Variants in ONECUT3 observed in about 807,000 individuals in gnomAD.
The protein encoded by ONECUT3 is one cut domain family member 3.
Under a neutral mutation model 16.8 loss-of-function variants are expected in ONECUT3, and 11 were observed. The observed-to-expected ratio is 0.66, with a 90% confidence interval of 0.41 to 1.09. ONECUT3 has a LOEUF of 1.09. ONECUT3 is among the 50% of genes least tolerant of loss of function. The pLI is 0.00. For synonymous variants in ONECUT3, 344 were observed against 310.7 expected (o/e 1.11, Z -1.13); for missense variants, 637 against 629.9 (o/e 1.01, Z -0.12).
chr19:1,778,889 C>CACACACACACACAT lies in ONECUT3; in HGVS notation c.*3457_*3458insTACACACACACACA, dbSNP rs2068133043. 1 of 150,878 alleles carries CACACACACACACAT rather than the reference C, an allele frequency of 6.6e-6. No homozygotes were observed. Among genetic ancestry groups the CACACACACACACAT allele is most frequent in the South Asian group, 2.1e-4 (1 of 4,690 alleles). The allele number at this position is 150,878 out of a possible 1,614,324, so 9.3% of individuals were successfully genotyped here. ...TATCACACACACACACACACACACA[C>CACACACACACACAT]ACACACACACACACACACACACACC... On this transcript the variant is annotated 3_prime_UTR_variant, in exon 2 of 2. Transcript: ENST00000382349.
Position 1,753,996 on chromosome 19 carries a change from C to A in ONECUT3, c.334C>A (p.Gln112Lys). 2.0e-6 allele frequency: 2 copies of A among 994,650 alleles called. No individual in the cohort carries two copies. Among genetic ancestry groups the A allele is most frequent in the Non-Finnish European group, 2.4e-6 (2 of 837,294 alleles). The allele number at this position is 994,650 out of a possible 1,614,324, so 61.6% of individuals were successfully genotyped here. A position where few individuals can be genotyped will look rare whatever the true frequency, so the allele number is the denominator to read the frequency against. The change falls in exon 1 of 2, where the codon CAG becomes AAG. Residue 112 changes from glutamine to lysine, a missense_variant. By Grantham distance (53) the Gln-to-Lys change is moderately conservative (BLOSUM62 1). Around this residue, in one of 3 missense-constraint regions of ONECUT3, gnomAD observed 419 missense variants for 377.9 expected, o/e 1.11. Transcript: ENST00000382349. ...GGTYTTLTPL[Q>K]HLPPLAAVAD... Reference sequence around the variant, plus strand: ...CACCTACACGACGCTCACGCCCCTGCAGCACCTGCCGCCGCTCGCGGCCGT... The same window carrying A: ...CACCTACACGACGCTCACGCCCCTGAAGCACCTGCCGCCGCTCGCGGCCGT...
chr19:1,756,516 G>T (rs2067916967), intron 1 of ONECUT3, among the ~76,000 whole-genome samples: 1 of 151,944 alleles, frequency 6.6e-6, no homozygotes, highest in African/African-American at 2.4e-5. Flanking sequence ...GGTGGCAGAG[G>T]GCACACCCCT....
At chr19:1,774,555 A>C (rs779029116) in intron 1 of ONECUT3, among the ~76,000 whole-genome samples, 1 of 151,876 alleles carries the variant, frequency 6.6e-6, no homozygotes, top group African/African-American at 2.4e-5. Context: ...TGAGCCAAAA[A>C]CTCTCATGTG....
chr19:1,775,219 T>C lies in ONECUT3; in HGVS notation c.1259T>C (p.Val420Ala). ...RALQPKKQRLVFTDLQRRTLI... is the reference protein window; with the variant it reads ...RALQPKKQRLAFTDLQRRTLI... ...CTGCAGCCCAAGAAGCAGCGCCTGGTGTTCACCGACCTGCAGCGACGCACG... is the reference window on the plus strand; with the variant it reads ...CTGCAGCCCAAGAAGCAGCGCCTGGCGTTCACCGACCTGCAGCGACGCACG... The change falls in exon 2 of 2, where the codon GTG (valine) becomes GCG (alanine). Residue 420 changes from valine to alanine, a missense_variant. Transcript: ENST00000382349. 5 of 1,538,704 alleles carry C rather than the reference T, an allele frequency of 3.2e-6. No homozygotes were observed. The South Asian group carries it at 3.5e-5, about 11-fold the overall frequency.
At position 1,764,932 on chromosome 19, in the gene ONECUT3, G is replaced by A. The variant is rs531534783; in HGVS notation, c.1192+10078G>A. 3.9e-5 allele frequency among the ~76,000 whole-genome samples: 6 copies of A among 152,246 alleles called. No homozygotes were observed. The highest frequency in any genetic ancestry group is 5.9e-5 in the Non-Finnish European group (4 of 68,000). ...AAGGAAACCGGTCATCATCCCAGCCGGAGACCGGGCTCCATATTGAATTGT... is the reference window on the plus strand; with the variant it reads ...AAGGAAACCGGTCATCATCCCAGCCAGAGACCGGGCTCCATATTGAATTGT... On this transcript the variant is annotated intron_variant, in intron 1 of 1. Transcript: ENST00000382349. This position sits in a 1 kb window ranked among gnomAD's most constrained non-coding sequence, Gnocchi z 5.0.
chr19:1,757,784 G>C (rs2067924450), intron 1 of ONECUT3, among the ~76,000 whole-genome samples: 1 of 152,224 alleles, frequency 6.6e-6, no homozygotes, highest in Non-Finnish European at 1.5e-5. Context: ...AAATCGCGGC[G>C]GTTAGGGGGA....
rs2067911951 is a variant in ONECUT3, at chr19:1,755,491, C to A, written c.1192+637C>A. On this transcript the variant is annotated intron_variant, in intron 1 of 1. Coordinates refer to ENST00000382349, the MANE Select transcript of ONECUT3 (RefSeq NM_001080488.2). This position sits in a 1 kb window ranked among gnomAD's most constrained non-coding sequence, Gnocchi z 7.5. ...GCTGGCAAAGGTCACCCGAGAATGG[C>A]GGGGGAGGGGCGGCCCCGGGGACCC... 6.6e-6 allele frequency among the ~76,000 whole-genome samples: 1 copy of A among 151,984 alleles called. No individual in the cohort carries two copies. The highest frequency in any genetic ancestry group is 2.1e-4 in the South Asian group (1 of 4,830).
At position 1,754,478 on chromosome 19, in the gene ONECUT3, C is replaced by T; in HGVS notation, c.816C>T (p.Ser272=). ...CCGGAGGCGGCGGCGGCACAGGCAG[C>T]GGCGGAGCGGGCAGCGGGAGCGCCG... The part of the protein sequence containing the change: ...GLPGGGGGTG[S]GGAGSGSAAG... Residue 272 remains serine, a synonymous_variant, in exon 1 of 2, where the codon AGC becomes AGT. Transcript: ENST00000382349. The surrounding 1 kb of genome is among the most constrained non-coding windows in gnomAD (Gnocchi z 7.4). The T allele has an allele frequency of 1.0e-6, 1 of 982,672 alleles. No individual in the cohort carries two copies. Among genetic ancestry groups the T allele is most frequent in the Non-Finnish European group, 1.2e-6 (1 of 829,818 alleles). The allele number at this position is 982,672 out of a possible 1,614,324, so 60.9% of individuals were successfully genotyped here. A position where few individuals can be genotyped will look rare whatever the true frequency, so the allele number is the denominator to read the frequency against.
intron 1 of ONECUT3, among the ~76,000 whole-genome samples, chr19:1,761,044 T>A (rs1262187039): frequency 1.8e-5 from 2 of 113,470 alleles, no homozygotes. Flanking sequence ...CCATTCCTGC[T>A]CTTTTTTTTT....
At position 1,775,192 on chromosome 19, in the gene ONECUT3, C is replaced by A; in HGVS notation, c.1232C>A (p.Ala411Asp). The change falls in exon 2 of 2, where the codon GCC becomes GAC. Residue 411 changes from alanine to aspartate, a missense_variant. Physicochemically the swap from Ala to Asp is moderately radical, Grantham distance 126 (BLOSUM62 -2). This residue lies in a region of ONECUT3 where 183 missense variants were observed against 188.3 expected (regional missense o/e 0.97). Coordinates refer to ENST00000382349, the MANE Select transcript of ONECUT3 (RefSeq NM_001080488.2). ...RKEQEQQKERALQPKKQRLVF... is the reference protein window; with the variant it reads ...RKEQEQQKERDLQPKKQRLVF... ...GAACAGGAGCAGCAGAAGGAGCGCG[C>A]CCTGCAGCCCAAGAAGCAGCGCCTG... 1 of 1,533,110 alleles carries A rather than the reference C, an allele frequency of 6.5e-7. No individual in the cohort carries two copies. Among genetic ancestry groups the A allele is most frequent in the Non-Finnish European group, 8.8e-7 (1 of 1,136,870 alleles). 95.0% of individuals were successfully genotyped at this position (1,533,110 alleles called of 1,614,324 possible). A position where few individuals can be genotyped will look rare whatever the true frequency, so the allele number is the denominator to read the frequency against.
rs1328018951 is a variant in ONECUT3 at position 1,778,518 on chromosome 19, C to A, written c.*3073C>A. ...TGGGCTTCAGGCACTGGCCGGAGCA[C>A]GGGCCTGGCGGGGTGCTGGGTCTCC... On this transcript the variant is annotated 3_prime_UTR_variant, in exon 2 of 2. Coordinates refer to ENST00000382349, the MANE Select transcript of ONECUT3 (RefSeq NM_001080488.2). 1 of 146,180 alleles carries A rather than the reference C, an allele frequency of 6.8e-6. No homozygotes were observed. Among genetic ancestry groups the A allele is most frequent in the Non-Finnish European group, 1.5e-5 (1 of 65,916 alleles). The allele number at this position is 146,180 out of a possible 1,614,324, so 9.1% of individuals were successfully genotyped here. A position where few individuals can be genotyped will look rare whatever the true frequency, so the allele number is the denominator to read the frequency against.
intron 1 of ONECUT3, among the ~76,000 whole-genome samples, chr19:1,774,809 C>G (rs1024617945): frequency 6.6e-6 from 1 of 151,764 alleles, no homozygotes; most frequent in African/African-American, 2.4e-5. Context: ...CTCCCCCCAC[C>G]CCCACCGCAT....
Position 1,754,102 on chromosome 19 carries a change from C to G in ONECUT3, c.440C>G (p.Pro147Arg), listed in dbSNP as rs1173372755. The change falls in exon 1 of 2, where the codon CCG (proline) becomes CGG (arginine). Residue 147 changes from proline to arginine, a missense_variant. Pro to Arg is a moderately radical substitution (Grantham distance 103). This residue lies in a region of ONECUT3 where 419 missense variants were observed against 377.9 expected (regional missense o/e 1.11). Coordinates refer to ENST00000382349, the MANE Select transcript of ONECUT3 (RefSeq NM_001080488.2). This position sits in a 1 kb window ranked among gnomAD's most constrained non-coding sequence, Gnocchi z 7.4. ...GGCCATCCCCACGCGCACCCGCACC[C>G]GGCGGCCGCGCCGCCCCCGCCACCC... is the stretch of plus-strand genomic sequence containing the variant. ...HGGHPHAHPH[P>R]AAAPPPPPPP... The G allele has an allele frequency of 2.0e-6, 2 of 1,017,658 alleles. No individual in the cohort carries two copies. The highest frequency in any genetic ancestry group is 1.7e-5 in the African/African-American group (1 of 57,306). The allele number at this position is 1,017,658 out of a possible 1,614,324, so 63.0% of individuals were successfully genotyped here. A position where few individuals can be genotyped will look rare whatever the true frequency, so the allele number is the denominator to read the frequency against.
intron 1 of ONECUT3, among the ~76,000 whole-genome samples, chr19:1,761,045 CTTTTTTTTTT>C (rs547570248): frequency 2.4e-5 from 2 of 84,044 alleles, no homozygotes; most frequent in African/African-American, 4.7e-5. Context: ...CATTCCTGCT[CTTTTTTTTTT>C]TTTTTTTTTT....
rs2067902182 is a variant in ONECUT3 at position 1,753,928 on chromosome 19, A to C, written c.266A>C (p.His89Pro). Residue 89 changes from histidine (H) to proline (P), a missense_variant, in exon 1 of 2, where the codon CAC (histidine) becomes CCC (proline). His to Pro is a moderately conservative substitution (Grantham distance 77). Transcript: ENST00000382349. Reference protein sequence around the residue: ...DFRGELAGPLHPAMGMACEAP... With the variant: ...DFRGELAGPLPPAMGMACEAP... Reference sequence around the variant, plus strand: ...CGCGGGGAACTGGCGGGCCCGCTGCACCCGGCAATGGGCATGGCCTGCGAG... The same window carrying C: ...CGCGGGGAACTGGCGGGCCCGCTGCCCCCGGCAATGGGCATGGCCTGCGAG... 2.0e-6 allele frequency: 2 copies of C among 981,922 alleles called. No individual in the cohort carries two copies. Among genetic ancestry groups the C allele is most frequent in the Non-Finnish European group, 2.4e-6 (2 of 830,624 alleles). 60.8% of individuals were successfully genotyped at this position (981,922 alleles called of 1,614,324 possible). A position where few individuals can be genotyped will look rare whatever the true frequency, so the allele number is the denominator to read the frequency against.
At chr19:1,772,656 T>G (rs1030941753) in intron 1 of ONECUT3, among the ~76,000 whole-genome samples, 14 of 150,932 alleles carry the variant, frequency 9.3e-5, no homozygotes, top group African/African-American at 3.2e-4. Context: ...CAGCTGCTTG[T>G]GTTCCATTTT....
rs1256755880 is a variant in ONECUT3 at position 1,762,651 on chromosome 19, G to C, written c.1192+7797G>C. 6.6e-6 allele frequency among the ~76,000 whole-genome samples: 1 copy of C among 152,242 alleles called. No homozygotes were observed. Among genetic ancestry groups the C allele is most frequent in the African/African-American group, 2.4e-5 (1 of 41,464 alleles). ...CCCGGCGCCAGGAGACCCGGGACCCGGGACCACGCGCCCGCGGCCTTGGAG... is the reference window on the plus strand; with the variant it reads ...CCCGGCGCCAGGAGACCCGGGACCCCGGACCACGCGCCCGCGGCCTTGGAG... On this transcript the variant is annotated intron_variant, in intron 1 of 1. Coordinates refer to ENST00000382349, the MANE Select transcript of ONECUT3 (RefSeq NM_001080488.2). The surrounding 1 kb of genome is among the most constrained non-coding windows in gnomAD (Gnocchi z 4.4).
intron 1 of ONECUT3, among the ~76,000 whole-genome samples, chr19:1,770,733 G>A (rs1003691379): frequency 2.6e-5 from 4 of 152,170 alleles, no homozygotes; most frequent in African/African-American, 9.7e-5. Context: ...AATCCTCATA[G>A]GGTGGCCGAG....
rs2068117701 is a variant in ONECUT3, at chr19:1,777,230, G to A, written c.*1785G>A. 6.6e-6 allele frequency: 1 copy of A among 152,268 alleles called. No homozygotes were observed. The highest frequency in any genetic ancestry group is 1.9e-4 in the East Asian group (1 of 5,198). The allele number at this position is 152,268 out of a possible 1,614,324, so 9.4% of individuals were successfully genotyped here. A position where few individuals can be genotyped will look rare whatever the true frequency, so the allele number is the denominator to read the frequency against. ...TTTGGGTGTTGGGGGGTTCCCAATA[G>A]TAGAAAGGGTCCCCATTCCTGCTCA... On this transcript the variant is annotated 3_prime_UTR_variant, in exon 2 of 2. Transcript: ENST00000382349.
Sources: gnomAD v4.1 joint callset for allele counts (sites outside exome capture counted in the v4.1 genomes callset) on GRCh38, gnomAD v4.1.1 for gene constraint, gnomAD v4.1.1 regional missense constraint, Gnocchi (gnomAD v3.1) non-coding constraint, MANE v1.5 for transcripts, NCBI Gene and HGNC (gene_info 2026-07-23, HGNC 2026-07-21) for gene names.